RIMKLB: variants seen among roughly 807,000 people sequenced by gnomAD.
RIMKLB encodes the protein beta-citrylglutamate synthase B.
Under a neutral mutation model 32.0 loss-of-function variants are expected in RIMKLB, and 7 were observed. That is an observed-to-expected ratio of 0.22 (90% CI 0.12 to 0.41). The LOEUF is 0.41. Ranked by LOEUF, RIMKLB falls within the 10% of genes least tolerant of loss-of-function variation. RIMKLB has a pLI of 1.00. For missense variants in RIMKLB, 289 were observed against 498.7 expected (o/e 0.58, Z 4.00); for synonymous variants, 172 against 185.1 (o/e 0.93, Z 0.57).
At chr12:8,671,639 G>A in the RIMKLB span, among the ~76,000 whole-genome samples, 2 of 152,054 alleles carry the variant, frequency 1.3e-5, no homozygotes, top group Admixed American at 6.6e-5. Context: ...CTGGCCGGGC[G>A]TGGTGGCTCA....
chr12:8,760,278 C>A (rs983928645), intron 5 of RIMKLB, among the ~76,000 whole-genome samples: 1 of 152,160 alleles, frequency 6.6e-6, no homozygotes, highest in Non-Finnish European at 1.5e-5. Flanking sequence ...TGAACTCATC[C>A]TTTTTTATGG....
chr12:8,706,996 A>G (rs983575744), intron 1 of RIMKLB, among the ~76,000 whole-genome samples: 3 of 152,158 alleles, frequency 2.0e-5, no homozygotes, highest in Admixed American at 6.5e-5. Flanking sequence ...GTCAGGAGGA[A>G]AGTCACAGAA....
chr12:8,747,407 A>G (rs1401534954), intron 2 of RIMKLB, among the ~76,000 whole-genome samples: 2 of 151,774 alleles, frequency 1.3e-5, no homozygotes, highest in Non-Finnish European at 2.9e-5. Context: ...TTAAACACAC[A>G]CACCCCCGGC....
intron 5 of RIMKLB, among the ~76,000 whole-genome samples, chr12:8,767,847 C>G (rs1032097939): frequency 1.3e-5 from 2 of 152,186 alleles, no homozygotes; most frequent in East Asian, 1.9e-4. Context: ...TATTTTTAAC[C>G]AGCTGACAGG....
chr12:8,766,191 C>G (rs777395813), intron 5 of RIMKLB, among the ~76,000 whole-genome samples: 12 of 152,134 alleles, frequency 7.9e-5, no homozygotes, highest in Non-Finnish European at 1.6e-4. Flanking sequence ...CCTCTATGGT[C>G]TTAATGCTTA....
In RIMKLB at chr12:8,774,825, G is replaced by C; in HGVS notation, c.*1041G>C. ...CTAAGTATAAAGCTGAAGTGATTTC[G>C]AATGCCAGCGTTATATATTTGCATT... On this transcript the variant is annotated 3_prime_UTR_variant, in exon 6 of 6. Transcript: ENST00000535829. 1 of 985,522 alleles carries C rather than the reference G, an allele frequency of 1.0e-6. No individual in the cohort carries two copies. The highest frequency in any genetic ancestry group is 1.7e-5 in the African/African-American group (1 of 57,344). The allele number at this position is 985,522 out of a possible 1,614,324, so 61.0% of individuals were successfully genotyped here. A position where few individuals can be genotyped will look rare whatever the true frequency, so the allele number is the denominator to read the frequency against.
In RIMKLB at chr12:8,775,873, A is replaced by G. The variant is rs1400294969; in HGVS notation, c.*2089A>G. On this transcript the variant is annotated 3_prime_UTR_variant, in exon 6 of 6. Coordinates refer to ENST00000535829, the MANE Select transcript of RIMKLB (RefSeq NM_001297776.2). ...TAAAAGAACTTATCTTGCGCAGGGTAAATGGGGGACTCACATACATATATT... is the reference window on the plus strand; with the variant it reads ...TAAAAGAACTTATCTTGCGCAGGGTGAATGGGGGACTCACATACATATATT... 1.0e-6 allele frequency: 1 copy of G among 985,078 alleles called. No homozygotes were observed. Among genetic ancestry groups the G allele is most frequent in the African/African-American group, 1.7e-5 (1 of 57,234 alleles). The allele number at this position is 985,078 out of a possible 1,614,324, so 61.0% of individuals were successfully genotyped here. A position where few individuals can be genotyped will look rare whatever the true frequency, so the allele number is the denominator to read the frequency against.
At chr12:8,738,283 G>A (rs1270741626) in intron 2 of RIMKLB, among the ~76,000 whole-genome samples, 1 of 152,114 alleles carries the variant, frequency 6.6e-6, no homozygotes, top group Non-Finnish European at 1.5e-5. Flanking sequence ...GGTTCAAGCA[G>A]TCTGCCTGCC....
At chr12:8,700,104 C>G (rs1342817056) in intron 1 of RIMKLB, 1 of 152,002 alleles carries the variant, frequency 6.6e-6, no homozygotes, top group Non-Finnish European at 1.5e-5. Flanking sequence ...ATAAATTAGC[C>G]CCTTCTTTTT....
chr12:8,742,788 T>C, intron 2 of RIMKLB: 1 of 220,340 alleles, frequency 4.5e-6, no homozygotes, highest in South Asian at 7.5e-5. Context: ...TTCCAGGAGC[T>C]GTGCCTTCTG....
At position 8,698,468 on chromosome 12, in the gene RIMKLB, C is replaced by T. The variant is rs774700341; in HGVS notation, c.-57+171C>T. On this transcript the variant is annotated intron_variant, in intron 1 of 5. Transcript: ENST00000535829. ...CGGGGCTAGTTGAGGCCGGTGGTCG[C>T]CGCTCCGCGGAGTCGGTGGGGAGCG... Among the ~76,000 whole-genome samples the T allele has an allele frequency of 2.9e-3, 445 of 152,176 alleles. 4 individuals are homozygous for T. The highest frequency in any genetic ancestry group is 0.01 in the African/African-American group (428 of 41,554).
intron 2 of RIMKLB, among the ~76,000 whole-genome samples, chr12:8,728,188 C>CA (rs1209955325): frequency 1.2e-4 from 19 of 152,242 alleles, no homozygotes; most frequent in Admixed American, 1.2e-3. Flanking sequence ...CTATAAATCA[C>CA]AGTCTTTTAA....
chr12:8,738,772 A>G lies in RIMKLB; in HGVS notation c.176-11090A>G, dbSNP rs775249650. Among the ~76,000 whole-genome samples, 16 of 152,320 alleles carry G rather than the reference A, an allele frequency of 1.1e-4. No individual in the cohort carries two copies. The East Asian group carries it at 2.7e-3, about 26-fold the overall frequency. On this transcript the variant is annotated intron_variant, in intron 2 of 5. Coordinates refer to ENST00000535829, the MANE Select transcript of RIMKLB (RefSeq NM_001297776.2). The stretch of plus-strand genomic sequence containing the variant: ...CCCAGCCAAGCTAATTGGTGAGGGA[A>G]GCTCCAAGAAATTTCATTTATATAG...
Position 8,777,053 on chromosome 12 carries a change from T to A in RIMKLB, c.*3269T>A. ...TGGCTGGTGAGACACGATCCCCTCC[T>A]AAGAAAATGTAGGTGCTCAGACAGG... is the stretch of plus-strand genomic sequence containing the variant. On this transcript the variant is annotated 3_prime_UTR_variant, in exon 6 of 6. Coordinates refer to ENST00000535829, the MANE Select transcript of RIMKLB (RefSeq NM_001297776.2). 3 of 985,802 alleles carry A rather than the reference T, an allele frequency of 3.0e-6. No homozygotes were observed. Among genetic ancestry groups the A allele is most frequent in the South Asian group, 9.4e-5 (2 of 21,280 alleles). 61.1% of individuals were successfully genotyped at this position (985,802 alleles called of 1,614,324 possible). A position where few individuals can be genotyped will look rare whatever the true frequency, so the allele number is the denominator to read the frequency against.
intron 5 of RIMKLB, among the ~76,000 whole-genome samples, chr12:8,771,275 G>T (rs1322339918): frequency 1.3e-5 from 2 of 152,228 alleles, no homozygotes; most frequent in Admixed American, 6.5e-5. Flanking sequence ...TTCCTCCAGG[G>T]TATGGGGCAG....
the RIMKLB span, among the ~76,000 whole-genome samples, chr12:8,669,736 AGAAG>A: frequency 1.7e-4 from 26 of 152,192 alleles, no homozygotes; most frequent in African/African-American, 6.3e-4. Context: ...ATGGAAAGTA[AGAAG>A]GAATCGGCTG....
At chr12:8,683,069 TG>T (rs758726108) in intron 1 of RIMKLB, among the ~76,000 whole-genome samples, 69 of 152,316 alleles carry the variant, frequency 4.5e-4, no homozygotes, top group Middle Eastern at 3.4e-3. Flanking sequence ...GGTTCCTCCA[TG>T]TCTTTTGGAG....
rs1950704081 is a variant in RIMKLB, at chr12:8,776,002, A to C, written c.*2218A>C. The stretch of plus-strand genomic sequence containing the variant: ...ATTTGGTATAGAGAAATAAATGAGG[A>C]AGAAAGAACTGCTTAATTAAATTAT... On this transcript the variant is annotated 3_prime_UTR_variant, in exon 6 of 6. Coordinates refer to ENST00000535829, the MANE Select transcript of RIMKLB (RefSeq NM_001297776.2). The C allele has an allele frequency of 2.3e-5, 23 of 984,410 alleles. No individual in the cohort carries two copies. The South Asian group carries it at 8.5e-4, about 36-fold the overall frequency. 61.0% of individuals were successfully genotyped at this position (984,410 alleles called of 1,614,324 possible). A position where few individuals can be genotyped will look rare whatever the true frequency, so the allele number is the denominator to read the frequency against.
At chr12:8,742,112 C>T (rs1947610027) in intron 2 of RIMKLB, among the ~76,000 whole-genome samples, 1 of 151,454 alleles carries the variant, frequency 6.6e-6, no homozygotes, top group Admixed American at 6.6e-5. Context: ...GTTGGCCAGG[C>T]TAGTCTCAAG....
Sources: allele counts gnomAD v4.1 joint callset (sites outside exome capture counted in the v4.1 genomes callset), GRCh38; gene constraint gnomAD v4.1.1; transcripts MANE v1.5; gene names NCBI Gene and HGNC (gene_info 2026-07-23, HGNC 2026-07-21).